PEPD: variants seen among roughly 807,000 people sequenced by gnomAD.
PEPD encodes the protein peptidase D.
PEPD carries 53 observed loss-of-function variants against 60.7 expected under a neutral mutation model. The observed-to-expected ratio is 0.87, with a 90% CI of 0.70 to 1.10. PEPD has a LOEUF of 1.10. PEPD is among the 50% of genes least tolerant of loss of function. The pLI is 0.00. For synonymous variants in PEPD, 267 were observed against 284.1 expected (o/e 0.94, Z 0.60); for missense variants, 711 against 711.9 (o/e 1.00, Z 0.01).
intron 4 of PEPD, among the ~76,000 whole-genome samples, chr19:33,499,753 A>G (rs1435064779): frequency 1.3e-5 from 2 of 152,178 alleles, no homozygotes; most frequent in Admixed American, 1.3e-4. Context: ...AGAAATGGAA[A>G]ACATATTCCA....
At chr19:33,511,266 T>C in intron 2 of PEPD, 111 bp from the exon 3 acceptor site, 2 of 1,087,212 alleles carry the variant, frequency 1.8e-6, no homozygotes. Flanking sequence ...CAGCCTCCTG[T>C]AACTGACCCC....
intron 9 of PEPD, among the ~76,000 whole-genome samples, chr19:33,424,913 C>T (rs957619025): frequency 1.3e-5 from 2 of 152,076 alleles, no homozygotes; most frequent in African/African-American, 4.8e-5. Flanking sequence ...ACCATGAGAA[C>T]AGTATGGGGG....
chr19:33,476,015 G>A (rs768624140), intron 7 of PEPD, among the ~76,000 whole-genome samples: 3 of 152,098 alleles, frequency 2.0e-5, no homozygotes, highest in Admixed American at 6.6e-5. Flanking sequence ...GTCCAATGCC[G>A]TGTTAGGCTA....
chr19:33,503,900 C>T (rs528744159), intron 3 of PEPD, among the ~76,000 whole-genome samples: 1 of 152,132 alleles, frequency 6.6e-6, no homozygotes, highest in Non-Finnish European at 1.5e-5. Flanking sequence ...GACCTTGTCA[C>T]TTCCACTCCC....
intron 1 of PEPD, among the ~76,000 whole-genome samples, chr19:33,516,383 GC>G (rs552802529): frequency 6.6e-6 from 1 of 152,118 alleles, no homozygotes; most frequent in South Asian, 2.1e-4. Context: ...ATGCTTTGCT[GC>G]AGACAGACAA....
chr19:33,388,119 C>A, intron 13 of PEPD, 38 bp from the exon 14 acceptor site: 2 of 1,505,284 alleles, frequency 1.3e-6, no homozygotes, highest in Non-Finnish European at 1.8e-6. Context: ...ATGAGCAGCT[C>A]CAGGGCTCAC....
rs33837 is a variant in PEPD, at chr19:33,518,163, C to T, written c.17+3581G>A. ...GGGTTGCCACGGCGGAACAGGACCT[C>T]GAGGCAACTGGCCAGCAACCTCCAC... On this transcript the variant is annotated intron_variant, in intron 1 of 14. Coordinates refer to ENST00000244137, the MANE Select transcript of PEPD (RefSeq NM_000285.4). Among the ~76,000 whole-genome samples, 267 of 152,254 alleles carry T rather than the reference C, an allele frequency of 1.8e-3. 7 individuals carry two copies. The East Asian group carries it at 0.042, about 24-fold the overall frequency.
intron 10 of PEPD, 124 bp from the exon 11 acceptor site, chr19:33,411,873 C>G: frequency 1.4e-6 from 1 of 716,044 alleles, no homozygotes; most frequent in Non-Finnish European, 2.5e-6. Context: ...CAGGCCCAGG[C>G]GTGGCTGGAC....
Position 33,521,732 on chromosome 19 carries a change from C to T in PEPD, c.17+12G>A, listed in dbSNP as rs775048548. On this transcript the variant is annotated intron_variant, in intron 1 of 14. Coordinates refer to ENST00000244137, the MANE Select transcript of PEPD (RefSeq NM_000285.4). ...CGCCAGCGGGAAAGAGCGAGGGAGG[C>T]GCAGCACTCACCCGGTGGCCGCCGC... is the stretch of plus-strand genomic sequence containing the variant. 10 of 1,580,176 alleles carry T rather than the reference C, an allele frequency of 6.3e-6. No homozygotes were observed. The East Asian group carries it at 1.8e-4, about 29-fold the overall frequency.
At chr19:33,428,534 C>G (rs574092413) in intron 9 of PEPD, among the ~76,000 whole-genome samples, 2 of 149,902 alleles carry the variant, frequency 1.3e-5, no homozygotes, top group African/African-American at 4.9e-5. Flanking sequence ...AGGATGTCCA[C>G]GCTCCACCTC....
chr19:33,420,038 G>A (rs1028790918), intron 9 of PEPD, among the ~76,000 whole-genome samples: 3 of 152,230 alleles, frequency 2.0e-5, no homozygotes, highest in African/African-American at 7.2e-5. Context: ...ATTTTAATTG[G>A]ATAATTGGGA....
At chr19:33,425,536 G>C (rs1447936139) in intron 9 of PEPD, among the ~76,000 whole-genome samples, 1 of 152,118 alleles carries the variant, frequency 6.6e-6, no homozygotes, top group Non-Finnish European at 1.5e-5. Context: ...CACAATACGA[G>C]TCCACGGGAT....
At chr19:33,483,874 T>C (rs1234653471) in intron 6 of PEPD, among the ~76,000 whole-genome samples, 1 of 152,110 alleles carries the variant, frequency 6.6e-6, no homozygotes, top group African/African-American at 2.4e-5. Flanking sequence ...TAGGGAAGGA[T>C]AGCACACACA....
At chr19:33,514,462 C>T (rs1226541393) in intron 1 of PEPD, among the ~76,000 whole-genome samples, 2 of 152,030 alleles carry the variant, frequency 1.3e-5, no homozygotes, top group East Asian at 3.9e-4. Flanking sequence ...GATGGTCTTC[C>T]CCGGCCTCCC....
intron 7 of PEPD, among the ~76,000 whole-genome samples, chr19:33,473,345 G>A (rs551972010): frequency 9.9e-5 from 15 of 151,798 alleles, no homozygotes; most frequent in Non-Finnish European, 2.1e-4. Context: ...TCTAATTTGG[G>A]ACATGTTACC....
chr19:33,464,634 G>A (rs937481242), intron 7 of PEPD, among the ~76,000 whole-genome samples: 4 of 152,184 alleles, frequency 2.6e-5, no homozygotes, highest in African/African-American at 9.6e-5. Flanking sequence ...AGGAGACCAG[G>A]AGCAGAGAAG....
intron 4 of PEPD, among the ~76,000 whole-genome samples, chr19:33,494,446 G>A (rs1970560048): frequency 6.6e-6 from 1 of 152,138 alleles, no homozygotes; most frequent in Non-Finnish European, 1.5e-5. Flanking sequence ...AAGAAAACCT[G>A]GAACGTATTG....
chr19:33,521,233 A>G (rs982159742), intron 1 of PEPD, among the ~76,000 whole-genome samples: 1 of 152,256 alleles, frequency 6.6e-6, no homozygotes, highest in Non-Finnish European at 1.5e-5. Flanking sequence ...ACAATGCTCT[A>G]TATAGTTTAT....
At chr19:33,423,241 CTGT>C (rs540709191) in intron 9 of PEPD, among the ~76,000 whole-genome samples, 1 of 152,226 alleles carries the variant, frequency 6.6e-6, no homozygotes, top group Non-Finnish European at 1.5e-5. Flanking sequence ...TGGTATACCT[CTGT>C]TGAGTGACTG....
Sources: gnomAD v4.1 joint callset for allele counts (sites outside exome capture counted in the v4.1 genomes callset) on GRCh38, gnomAD v4.1.1 for gene constraint, MANE v1.5 for transcripts, NCBI Gene and HGNC (gene_info 2026-07-23, HGNC 2026-07-21) for gene names.